STPG2: variants seen among roughly 807,000 people sequenced by gnomAD.
The protein encoded by STPG2 is sperm tail PG-rich repeat containing 2, also known as sperm-tail PG-rich repeat-containing protein 2.
In STPG2, 56 loss-of-function variants were observed where a neutral mutation model predicts 54.2. That is an observed-to-expected ratio of 1.03 (90% CI 0.83 to 1.29). The LOEUF (loss-of-function observed/expected upper bound fraction) is 1.29, where lower values mean the gene tolerates loss of function less well. Ranked by LOEUF, STPG2 falls within the 50% of genes most tolerant of loss-of-function variation. STPG2 has a pLI of 0.00. For missense variants in STPG2, 596 were observed against 544.9 expected, an observed-to-expected ratio of 1.09 and a Z score of -0.93; for synonymous variants, 200 against 181.8, an observed-to-expected ratio of 1.10 and a Z score of -0.81.
At chr4:97,448,500 T>C (rs543831611) in intron 4 of STPG2, among the ~76,000 whole-genome samples, 2 of 152,198 alleles carry the variant, frequency 1.3e-5, no homozygotes, top group African/African-American at 4.8e-5. Context: ...CTCATGATAG[T>C]GACTGAGTTC....
intron 4 of STPG2, among the ~76,000 whole-genome samples, chr4:97,532,935 C>T (rs760076836): frequency 7.9e-5 from 12 of 152,102 alleles, no homozygotes; most frequent in East Asian, 1.9e-4. Context: ...CAGGCTGGAG[C>T]GCAGTGGTGC....
intron 10 of STPG2, among the ~76,000 whole-genome samples, chr4:97,585,120 A>C (rs1186092854): frequency 9.1e-5 from 11 of 121,452 alleles, no homozygotes; most frequent in East Asian, 2.1e-4. Context: ...AAAAAAAAAA[A>C]AAAACAAAAC....
chr4:98,128,456 A>C lies in STPG2; in HGVS notation c.359T>G (p.Leu120Arg), dbSNP rs1208282364. Residue 120 changes from leucine to arginine, a missense_variant, in exon 3 of 11, where the codon CTT becomes CGT. By Grantham distance (102) the Leu-to-Arg change is moderately radical (BLOSUM62 -2). Coordinates refer to ENST00000295268, the MANE Select transcript of STPG2 (RefSeq NM_174952.3). ...KCFPPACDST[L>R]GPAYYKPQFD... ...TTGAGGTTTGTAGTATGCTGGACCA[A>C]GTGTACTGTCACAAGCAGGTGGAAA... The C allele has an allele frequency of 1.4e-5, 23 of 1,612,054 alleles. No individual in the cohort carries two copies. The highest frequency in any genetic ancestry group is 2.0e-5 in the Non-Finnish European group (23 of 1,179,364).
chr4:97,459,447 T>G lies in STPG2; in HGVS notation c.462+253252A>C, dbSNP rs563382549. On this transcript the variant is annotated intron_variant, in intron 4 of 4. Transcript: ENST00000522676. ...GGATGCCTGTTTTTTTTTGTTTTTTTTTTTTTTTTTGAGACAGAGTCTTGC... is the reference window on the plus strand; with the variant it reads ...GGATGCCTGTTTTTTTTTGTTTTTTGTTTTTTTTTTGAGACAGAGTCTTGC... Among the ~76,000 whole-genome samples, 37 of 149,236 alleles carry G rather than the reference T, an allele frequency of 2.5e-4. 1 individual carries two copies. The South Asian group carries it at 4.5e-3, about 18-fold the overall frequency.
intron 5 of STPG2, among the ~76,000 whole-genome samples, chr4:98,009,431 A>G (rs1162334089): frequency 6.6e-6 from 1 of 151,966 alleles, no homozygotes. Flanking sequence ...TCATATCATT[A>G]TGATTCAAAA....
intron 8 of STPG2, among the ~76,000 whole-genome samples, chr4:97,884,939 A>T (rs767298865): frequency 2.6e-5 from 4 of 152,094 alleles, no homozygotes; most frequent in Admixed American, 6.6e-5. Flanking sequence ...ACCTACACAA[A>T]GATATTATGA....
At chr4:97,832,964 C>G (rs775968202) in intron 9 of STPG2, among the ~76,000 whole-genome samples, 21 of 152,192 alleles carry the variant, frequency 1.4e-4, no homozygotes, top group African/African-American at 5.1e-4. Context: ...CCATGCTATC[C>G]CCATTAAGCT....
intron 9 of STPG2, among the ~76,000 whole-genome samples, chr4:97,763,770 C>A (rs1725957290): frequency 6.6e-6 from 1 of 152,096 alleles, no homozygotes; most frequent in Admixed American, 6.6e-5. Flanking sequence ...TGATATTATG[C>A]AAATGTTGCT....
chr4:97,681,846 C>T (rs1402925905), intron 10 of STPG2, among the ~76,000 whole-genome samples: 3 of 151,754 alleles, frequency 2.0e-5, no homozygotes, highest in African/African-American at 7.2e-5. Flanking sequence ...ACAATACAAT[C>T]ACATAATGAT....
chr4:98,022,117 G>C (rs369318218), intron 5 of STPG2, among the ~76,000 whole-genome samples: 56,780 of 149,062 alleles, frequency 0.38, 10,359 homozygotes, highest in Middle Eastern at 0.45. Flanking sequence ...TAGCCTTGAT[G>C]GTCTTTACAA....
At chr4:97,987,951 T>C (rs1173587917) in intron 5 of STPG2, among the ~76,000 whole-genome samples, 2 of 151,866 alleles carry the variant, frequency 1.3e-5, no homozygotes, top group Non-Finnish European at 2.9e-5. Context: ...TCAGATTGTA[T>C]CACTCCGCTT....
chr4:97,442,207 T>C (rs1470521269), intron 4 of STPG2, among the ~76,000 whole-genome samples: 2 of 151,928 alleles, frequency 1.3e-5, no homozygotes, highest in Non-Finnish European at 2.9e-5. Flanking sequence ...TCACTTTTAC[T>C]ACATGACATG....
At chr4:98,139,065 A>T (rs1740208670) in intron 1 of STPG2, among the ~76,000 whole-genome samples, 1 of 152,070 alleles carries the variant, frequency 6.6e-6, no homozygotes, top group African/African-American at 2.4e-5. Flanking sequence ...TTCTCAGGTA[A>T]TCTTAAGAAA....
intron 5 of STPG2, among the ~76,000 whole-genome samples, chr4:98,067,493 G>A (rs1373176149): frequency 6.6e-6 from 1 of 152,126 alleles, no homozygotes; most frequent in African/African-American, 2.4e-5. Flanking sequence ...AGAAGCCAGA[G>A]AGCCTGTGCT....
intron 10 of STPG2, among the ~76,000 whole-genome samples, chr4:97,579,931 C>A (rs556428804): frequency 7.9e-5 from 12 of 151,960 alleles, no homozygotes; most frequent in South Asian, 2.1e-4. Context: ...TATATATCAA[C>A]ACTTTATTTA....
chr4:98,042,391 C>T (rs1339365980), intron 5 of STPG2, among the ~76,000 whole-genome samples: 1 of 151,292 alleles, frequency 6.6e-6, no homozygotes, highest in Non-Finnish European at 1.5e-5. Flanking sequence ...GCTTTGGTTT[C>T]TCTAGACTCA....
chr4:97,892,791 G>C (rs990657537), intron 8 of STPG2, among the ~76,000 whole-genome samples: 4 of 152,118 alleles, frequency 2.6e-5, no homozygotes, highest in African/African-American at 7.2e-5. Flanking sequence ...CTCCCATAAA[G>C]AGAATCCCCC....
At chr4:97,948,725 G>A (rs891565544) in intron 7 of STPG2, among the ~76,000 whole-genome samples, 1 of 151,982 alleles carries the variant, frequency 6.6e-6, no homozygotes, top group Non-Finnish European at 1.5e-5. Context: ...TAGTTTTGAG[G>A]GTTTCTTCTG....
At chr4:97,625,435 G>A (rs573515604) in intron 10 of STPG2, among the ~76,000 whole-genome samples, 1 of 152,152 alleles carries the variant, frequency 6.6e-6, no homozygotes, top group Non-Finnish European at 1.5e-5. Context: ...TCAGCCTCCC[G>A]AGTAGCTGGG....
Sources: allele counts gnomAD v4.1 joint callset (sites outside exome capture counted in the v4.1 genomes callset), GRCh38; gene constraint gnomAD v4.1.1; transcripts MANE v1.5; gene names NCBI Gene and HGNC (gene_info 2026-07-23, HGNC 2026-07-21).